Variants in ADGRB3 observed in about 807,000 individuals in gnomAD.
ADGRB3 encodes brain-specific angiogenesis inhibitor 3.
Under a neutral mutation model 193.4 loss-of-function variants are expected in ADGRB3, and 37 were observed. The observed-to-expected ratio is 0.19, with a 90% CI of 0.15 to 0.25. ADGRB3 has a LOEUF of 0.25. Ranked by LOEUF, ADGRB3 falls within the 10% of genes least tolerant of loss-of-function variation. The pLI is 1.00. For synonymous variants in ADGRB3, 690 were observed against 644.2 expected, an observed-to-expected ratio of 1.07 and a Z score of -1.08; for missense variants, 1,637 against 1,852.9, an observed-to-expected ratio of 0.88 and a Z score of 2.14.
chr6:69,193,291 G>A (rs563903048), intron 17 of ADGRB3, among the ~76,000 whole-genome samples: 34 of 152,254 alleles, frequency 2.2e-4, no homozygotes, highest in African/African-American at 8.2e-4. Context: ...ATGAAGCAAT[G>A]TGATGGCTAG....
intron 3 of ADGRB3, among the ~76,000 whole-genome samples, chr6:68,684,306 T>C (rs1335738070): frequency 1.3e-5 from 2 of 151,636 alleles, no homozygotes; most frequent in Admixed American, 6.6e-5. Flanking sequence ...ATTTTTTTCC[T>C]GAGTCTACAC....
At chr6:69,343,480 ATTTTACAC>A (rs1023312706) in intron 26 of ADGRB3, among the ~76,000 whole-genome samples, 3 of 151,762 alleles carry the variant, frequency 2.0e-5, no homozygotes, top group African/African-American at 7.3e-5. Flanking sequence ...AGTGGGTCCA[ATTTTACAC>A]TCATTTCAAA....
At chr6:68,721,708 C>T (rs914419229) in intron 3 of ADGRB3, among the ~76,000 whole-genome samples, 5 of 147,982 alleles carry the variant, frequency 3.4e-5, no homozygotes, top group Non-Finnish European at 6.0e-5. Flanking sequence ...TATAATAAAG[C>T]GCTCTGGTCT....
At chr6:69,304,337 A>C (rs963667493) in intron 20 of ADGRB3, among the ~76,000 whole-genome samples, 1 of 150,862 alleles carries the variant, frequency 6.6e-6, no homozygotes, top group Non-Finnish European at 1.5e-5. Flanking sequence ...TGACCTGAAT[A>C]CATTCAATAA....
At chr6:69,313,556 A>G (rs1179401943) in intron 20 of ADGRB3, among the ~76,000 whole-genome samples, 1 of 151,792 alleles carries the variant, frequency 6.6e-6, no homozygotes, top group Non-Finnish European at 1.5e-5. Flanking sequence ...GCAAGTTGAA[A>G]GCAATTTTAT....
chr6:69,172,843 G>T (rs1292603545), intron 17 of ADGRB3, among the ~76,000 whole-genome samples: 1 of 151,846 alleles, frequency 6.6e-6, no homozygotes, highest in Non-Finnish European at 1.5e-5. Context: ...AGGAAGATTT[G>T]ATCCAGGCAC....
chr6:69,290,817 T>C (rs1364728196), intron 20 of ADGRB3, among the ~76,000 whole-genome samples: 1 of 152,166 alleles, frequency 6.6e-6, no homozygotes, highest in Non-Finnish European at 1.5e-5. Flanking sequence ...TAAAGATATG[T>C]TAGTGTTTCA....
chr6:68,879,318 A>T (rs1482497728), intron 3 of ADGRB3, among the ~76,000 whole-genome samples: 1 of 141,652 alleles, frequency 7.1e-6, no homozygotes, highest in African/African-American at 2.7e-5. Flanking sequence ...CCAGGTTCAC[A>T]CCATTCTGCT....
At chr6:68,746,405 A>G (rs939700433) in intron 3 of ADGRB3, among the ~76,000 whole-genome samples, 1 of 152,032 alleles carries the variant, frequency 6.6e-6, no homozygotes, top group Non-Finnish European at 1.5e-5. Context: ...AGCCCTTTCT[A>G]TAACTATGTT....
At chr6:68,754,420 T>A (rs1766261426) in intron 3 of ADGRB3, among the ~76,000 whole-genome samples, 1 of 152,214 alleles carries the variant, frequency 6.6e-6, no homozygotes. Flanking sequence ...TTGTTTACTA[T>A]CATAACATGC....
chr6:68,813,403 C>T (rs1351758772), intron 3 of ADGRB3, among the ~76,000 whole-genome samples: 1 of 152,118 alleles, frequency 6.6e-6, no homozygotes. Flanking sequence ...CTACATTGGG[C>T]TTGCAAGTGT....
chr6:68,744,998 T>C (rs971958056), intron 3 of ADGRB3, among the ~76,000 whole-genome samples: 1 of 152,202 alleles, frequency 6.6e-6, no homozygotes, highest in East Asian at 1.9e-4. Context: ...ATAAAAAAGA[T>C]GGAAAGTGCC....
At chr6:68,872,569 G>C (rs556034680) in intron 3 of ADGRB3, among the ~76,000 whole-genome samples, 4 of 152,074 alleles carry the variant, frequency 2.6e-5, no homozygotes, top group Non-Finnish European at 5.9e-5. Flanking sequence ...TTCTCCAGAT[G>C]AGAGTTTGCC....
chr6:68,801,612 G>A (rs937042469), intron 3 of ADGRB3, among the ~76,000 whole-genome samples: 2 of 151,922 alleles, frequency 1.3e-5, no homozygotes, highest in African/African-American at 2.4e-5. Flanking sequence ...TCGTTTGAAC[G>A]CGGGAGGCAG....
At chr6:69,073,169 T>C (rs1054607851) in intron 16 of ADGRB3, among the ~76,000 whole-genome samples, 1 of 152,180 alleles carries the variant, frequency 6.6e-6, no homozygotes, top group Non-Finnish European at 1.5e-5. Context: ...TCTATAGGAC[T>C]ATGACCTTTT....
chr6:68,695,206 A>C (rs1765137267), intron 3 of ADGRB3, among the ~76,000 whole-genome samples: 1 of 152,016 alleles, frequency 6.6e-6, no homozygotes, highest in Non-Finnish European at 1.5e-5. Context: ...GAAATGACAA[A>C]GGGGAGCAAT....
chr6:68,646,490 A>AG lies in ADGRB3; in HGVS notation c.757+7058_757+7059insG, dbSNP rs1256917940. ...GAAACTCTGTCAAAAAAAAAAAAAA[A>AG]AAAGAAAAAAGAAAAAAAGATGGAC... On this transcript the variant is annotated intron_variant, in intron 3 of 31. Coordinates refer to ENST00000370598, the MANE Select transcript of ADGRB3 (RefSeq NM_001704.3). Among the ~76,000 whole-genome samples the AG allele has an allele frequency of 6.0e-5, 9 of 151,160 alleles. No individual in the cohort carries two copies. The East Asian group carries it at 1.4e-3, about 23-fold the overall frequency.
chr6:69,052,102 A>G (rs72910629), intron 15 of ADGRB3, among the ~76,000 whole-genome samples: 20,362 of 152,100 alleles, frequency 0.13, 1,583 homozygotes, highest in South Asian at 0.29. Flanking sequence ...GTTAGCCAGG[A>G]TGGCCTTGAT....
intron 20 of ADGRB3, among the ~76,000 whole-genome samples, chr6:69,245,777 T>C (rs16900597): frequency 0.14 from 21,387 of 152,110 alleles, 1,576 homozygotes; most frequent in Middle Eastern, 0.16. Flanking sequence ...TTCCAGTGCA[T>C]ACCTATTCTC....
Sources: allele counts gnomAD v4.1 joint callset (sites outside exome capture counted in the v4.1 genomes callset), GRCh38; gene constraint gnomAD v4.1.1; transcripts MANE v1.5; gene names NCBI Gene and HGNC (gene_info 2026-07-23, HGNC 2026-07-21).